The following ADGRB2 variants were observed in gnomAD, a reference collection of about 807,000 sequenced individuals.
ADGRB2 encodes the protein brain-specific angiogenesis inhibitor 2.
Under a neutral mutation model 178.7 loss-of-function variants are expected in ADGRB2, and 47 were observed. The ratio of observed to expected loss-of-function variants is 0.26; its 90% CI spans 0.21 to 0.34. ADGRB2 has a LOEUF of 0.34. Ranked by LOEUF, ADGRB2 falls within the 10% of genes least tolerant of loss-of-function variation. The pLI is 1.00. For missense variants in ADGRB2, 1,584 were observed against 2,180.8 expected, an observed-to-expected ratio of 0.73 and a Z score of 5.45; for synonymous variants, 870 against 912.4, an observed-to-expected ratio of 0.95 and a Z score of 0.84.
chr1:31,744,652 C>T lies in ADGRB2; in HGVS notation c.918G>A (p.Gln306=). 2.5e-6 allele frequency: 4 copies of T among 1,614,176 alleles called. No individual in the cohort carries two copies. The highest frequency in any genetic ancestry group is 3.4e-6 in the Non-Finnish European group (4 of 1,180,002). ...SADEPGLYMA[Q]TGDPAAEEWS... is the part of the protein sequence containing the mutation. The stretch of plus-strand genomic sequence containing the variant: ...AGGGAGGCGGGCCCGAGTTACCTGT[C>T]TGCGCCATGTATAGCCCAGGCTCAT... The change falls in exon 5 of 33, where the codon CAG becomes CAA. Residue 306 remains glutamine, a synonymous_variant. Transcript: ENST00000373658. The surrounding 1 kb of genome is among the most constrained non-coding windows in gnomAD (Gnocchi z 6.7).
Position 31,728,138 on chromosome 1 carries a change from G to T in ADGRB2, c.4515+44C>A. On this transcript the variant is annotated intron_variant, in intron 31 of 32. Coordinates refer to ENST00000373658, the MANE Select transcript of ADGRB2 (RefSeq NM_001364857.2). The surrounding 1 kb of genome is among the most constrained non-coding windows in gnomAD (Gnocchi z 6.7). ...CCCAGGGGCCACTGCACCAGGTCAG[G>T]CCCTGAGCTTCAGGGCAGGGGCAGC... 6.2e-7 allele frequency: 1 copy of T among 1,613,672 alleles called. No homozygotes were observed. The highest frequency in any genetic ancestry group is 8.5e-7 in the Non-Finnish European group (1 of 1,179,898).
rs1646888486 is a variant in ADGRB2 at position 31,757,285 on chromosome 1, T to C, written c.-60-4A>G. The stretch of plus-strand genomic sequence containing the variant: ...TGAGGCATGTCACCGCGTAATCCTG[T>C]GGTAATTGTCAAAGTGGTGATGTTT... On this transcript the variant is annotated splice_polypyrimidine_tract_variant and splice_region_variant and intron_variant, in intron 2 of 32. Coordinates refer to ENST00000373658, the MANE Select transcript of ADGRB2 (RefSeq NM_001364857.2). 6.3e-7 allele frequency: 1 copy of C among 1,596,532 alleles called. No individual in the cohort carries two copies. The highest frequency in any genetic ancestry group is 2.2e-5 in the East Asian group (1 of 44,764).
At chr1:31,730,769 G>T in intron 29 of ADGRB2, 31 bp downstream of exon 29, 1 of 1,468,914 alleles carries the variant, frequency 6.8e-7, no homozygotes, top group South Asian at 1.6e-5. Flanking sequence ...CACAGTCTCA[G>T]ACACACACCC....
chr1:31,762,412 C>A (rs1257209376), intron 1 of ADGRB2, among the ~76,000 whole-genome samples: 2 of 152,148 alleles, frequency 1.3e-5, no homozygotes, highest in African/African-American at 2.4e-5. Context: ...CGACTCCATG[C>A]GCAAGCCAGG....
chr1:31,756,518 A>T lies in ADGRB2; in HGVS notation c.319T>A (p.Phe107Ile), dbSNP rs764885839. 1.2e-6 allele frequency: 2 copies of T among 1,613,286 alleles called. No homozygotes were observed. Among genetic ancestry groups the T allele is most frequent in the Non-Finnish European group, 1.7e-6 (2 of 1,179,724 alleles). The change falls in exon 4 of 33, where the codon TTT (phenylalanine) becomes ATT (isoleucine). Residue 107 changes from phenylalanine (F) to isoleucine (I), a missense_variant. This residue lies in a region of ADGRB2 where 657 missense variants were observed against 847.6 expected (regional missense o/e 0.78). Coordinates refer to ENST00000373658, the MANE Select transcript of ADGRB2 (RefSeq NM_001364857.2). This position sits in a 1 kb window ranked among gnomAD's most constrained non-coding sequence, Gnocchi z 8.5. ...TCGGGGCTAGGCCGCAGGCAGGTAA[A>T]GTTGACCAGGTAGTGGTCCAGGGGC... ...LLPLDHYLVNFTCLRPSPEEA... is the reference protein window; with the variant it reads ...LLPLDHYLVNITCLRPSPEEA...
In ADGRB2 at chr1:31,744,085, G is replaced by T; in HGVS notation, c.1087+108C>A. The T allele has an allele frequency of 7.4e-7, 1 of 1,352,396 alleles. No individual in the cohort carries two copies. The highest frequency in any genetic ancestry group is 9.9e-7 in the Non-Finnish European group (1 of 1,010,552). 83.8% of individuals were successfully genotyped at this position (1,352,396 alleles called of 1,614,324 possible). A position where few individuals can be genotyped will look rare whatever the true frequency, so the allele number is the denominator to read the frequency against. Reference sequence around the variant, plus strand: ...CATGGTGTGGGGAACAGCCACATTTGTTGAATGAAAGGAGGAGGCAACCAA... The same window carrying T: ...CATGGTGTGGGGAACAGCCACATTTTTTGAATGAAAGGAGGAGGCAACCAA... On this transcript the variant is annotated intron_variant, in intron 6 of 32. Transcript: ENST00000373658. The surrounding 1 kb of genome is among the most constrained non-coding windows in gnomAD (Gnocchi z 6.7).
chr1:31,730,786 C>A lies in ADGRB2; in HGVS notation c.4380+14G>T. ...CAGTCTCAGACACACACCCCATTCC[C>A]TACAGCCCCTCACCTCCAGGGAGCC... On this transcript the variant is annotated intron_variant, in intron 29 of 32. Coordinates refer to ENST00000373658, the MANE Select transcript of ADGRB2 (RefSeq NM_001364857.2). 2 of 1,492,918 alleles carry A rather than the reference C, an allele frequency of 1.3e-6. No individual in the cohort carries two copies. The highest frequency in any genetic ancestry group is 2.8e-5 in the South Asian group (2 of 70,744). The allele number at this position is 1,492,918 out of a possible 1,614,324, so 92.5% of individuals were successfully genotyped here. A position where few individuals can be genotyped will look rare whatever the true frequency, so the allele number is the denominator to read the frequency against.
chr1:31,735,379 GA>G lies in ADGRB2; in HGVS notation c.3354-99del, dbSNP rs1299044668. On this transcript the variant is annotated intron_variant, in intron 24 of 32. Coordinates refer to ENST00000373658, the MANE Select transcript of ADGRB2 (RefSeq NM_001364857.2). This position sits in a 1 kb window ranked among gnomAD's most constrained non-coding sequence, Gnocchi z 6.0. Reference sequence around the variant, plus strand: ...CCGAGTGGGGTGGGAGGGGAGGGCAGACGAGAGAGAGAGAGCTGGGTTAGGG... The same window carrying G: ...CCGAGTGGGGTGGGAGGGGAGGGCAGCGAGAGAGAGAGAGCTGGGTTAGGG... 5 of 1,117,744 alleles carry G rather than the reference GA, an allele frequency of 4.5e-6. No homozygotes were observed. Among genetic ancestry groups the G allele is most frequent in the Non-Finnish European group, 5.2e-6 (4 of 766,326 alleles). 69.2% of individuals were successfully genotyped at this position (1,117,744 alleles called of 1,614,324 possible). A position where few individuals can be genotyped will look rare whatever the true frequency, so the allele number is the denominator to read the frequency against.
Position 31,756,960 on chromosome 1 carries a change from C to T in ADGRB2, c.22-145G>A. 1 of 1,093,582 alleles carries T rather than the reference C, an allele frequency of 9.1e-7. No individual in the cohort carries two copies. 67.7% of individuals were successfully genotyped at this position (1,093,582 alleles called of 1,614,324 possible). ...CTGGGTCCACCTGTGTGAACTTAGACAAGGGACTTGACCTCTCTGAGCCTC... is the reference window on the plus strand; with the variant it reads ...CTGGGTCCACCTGTGTGAACTTAGATAAGGGACTTGACCTCTCTGAGCCTC... On this transcript the variant is annotated intron_variant, in intron 3 of 32. Coordinates refer to ENST00000373658, the MANE Select transcript of ADGRB2 (RefSeq NM_001364857.2). The surrounding 1 kb of genome is among the most constrained non-coding windows in gnomAD (Gnocchi z 8.5).
In ADGRB2 at chr1:31,755,747, T is replaced by C. The variant is rs958318008; in HGVS notation, c.838+252A>G. On this transcript the variant is annotated intron_variant, in intron 4 of 32. Coordinates refer to ENST00000373658, the MANE Select transcript of ADGRB2 (RefSeq NM_001364857.2). This position sits in a 1 kb window ranked among gnomAD's most constrained non-coding sequence, Gnocchi z 5.1. ...CTCCCCTGGCTGCCCAGTTAGGAGG[T>C]CCCTCCCTGGGTTTATATATCACCC... is the stretch of plus-strand genomic sequence containing the variant. Among the ~76,000 whole-genome samples, 3 of 151,792 alleles carry C rather than the reference T, an allele frequency of 2.0e-5. No individual in the cohort carries two copies. The highest frequency in any genetic ancestry group is 4.8e-5 in the African/African-American group (2 of 41,300).
At chr1:31,762,761 C>T (rs1267959790) in intron 1 of ADGRB2, among the ~76,000 whole-genome samples, 1 of 152,256 alleles carries the variant, frequency 6.6e-6, no homozygotes, top group East Asian at 1.9e-4. Flanking sequence ...GATGCTCTGG[C>T]TGCGGAAACC....
At chr1:31,749,588 G>A (rs1646453975) in intron 4 of ADGRB2, among the ~76,000 whole-genome samples, 1 of 152,228 alleles carries the variant, frequency 6.6e-6, no homozygotes, top group Non-Finnish European at 1.5e-5. Context: ...CAGAGATGTG[G>A]ACTGTCTGGA....
chr1:31,730,662 C>T, intron 29 of ADGRB2, 138 bp downstream of exon 29: 1 of 1,191,988 alleles, frequency 8.4e-7, no homozygotes, highest in Non-Finnish European at 1.1e-6. Flanking sequence ...TGAGCAGAAA[C>T]AGAGAAATGC....
At chr1:31,731,561 G>T in intron 28 of ADGRB2, 142 bp from the exon 29 acceptor site, 1 of 1,041,638 alleles carries the variant, frequency 9.6e-7, no homozygotes. Flanking sequence ...TGGGTGGTTG[G>T]TAATCTCTCA....
At chr1:31,748,819 T>C (rs770521234) in intron 4 of ADGRB2, among the ~76,000 whole-genome samples, 2 of 151,904 alleles carry the variant, frequency 1.3e-5, no homozygotes, top group Non-Finnish European at 3.0e-5. Context: ...CAACGTTTAC[T>C]AAACAACTCC....
chr1:31,730,349 C>T (rs892312459), intron 29 of ADGRB2, among the ~76,000 whole-genome samples: 1 of 150,750 alleles, frequency 6.6e-6, no homozygotes, highest in Non-Finnish European at 1.5e-5. Flanking sequence ...AAATGTTTTA[C>T]ATCACTCAAT....
chr1:31,762,763 G>A (rs1218312500), intron 1 of ADGRB2, among the ~76,000 whole-genome samples: 8 of 152,252 alleles, frequency 5.3e-5, no homozygotes, highest in African/African-American at 1.9e-4. Context: ...TGCTCTGGCT[G>A]CGGAAACCCG....
Position 31,735,632 on chromosome 1 carries a change from T to G in ADGRB2, c.3301A>C (p.Lys1101Gln). 1 of 1,609,890 alleles carries G rather than the reference T, an allele frequency of 6.2e-7. No individual in the cohort carries two copies. Among genetic ancestry groups the G allele is most frequent in the Non-Finnish European group, 8.5e-7 (1 of 1,176,852 alleles). Residue 1101 changes from lysine to glutamine, a missense_variant, in exon 24 of 33, where the codon AAG (lysine) becomes CAG (glutamine). This residue lies in a region of ADGRB2 where 865 missense variants were observed against 1,192.8 expected (regional missense o/e 0.73). Transcript: ENST00000373658. The surrounding 1 kb of genome is among the most constrained non-coding windows in gnomAD (Gnocchi z 6.0). ...GAGATGCCATCACGTGCCATGAGCT[T>G]GTTGAAGACGATGATTCCGATGAGC... ...NMLIGIIVFN[K>Q]LMARDGISDK... is the part of the protein sequence containing the mutation.
In ADGRB2 at chr1:31,740,721, A is replaced by C. The variant is rs898218591; in HGVS notation, c.1795-180T>G. 1.3e-5 allele frequency among the ~76,000 whole-genome samples: 2 copies of C among 152,148 alleles called. No homozygotes were observed. Among genetic ancestry groups the C allele is most frequent in the African/African-American group, 4.8e-5 (2 of 41,420 alleles). On this transcript the variant is annotated intron_variant, in intron 11 of 32. Coordinates refer to ENST00000373658, the MANE Select transcript of ADGRB2 (RefSeq NM_001364857.2). This position sits in a 1 kb window ranked among gnomAD's most constrained non-coding sequence, Gnocchi z 5.9. ...GTCCGAGAAAGAGACTCATAGAGAG[A>C]GAGAGAATCCCAAAGGGTACTTTAA...
Sources: allele counts gnomAD v4.1 joint callset (sites outside exome capture counted in the v4.1 genomes callset), GRCh38; gene constraint gnomAD v4.1.1; regional missense constraint gnomAD v4.1.1; non-coding constraint Gnocchi (gnomAD v3.1); transcripts MANE v1.5; gene names NCBI Gene and HGNC (gene_info 2026-07-23, HGNC 2026-07-21).